The following ABHD18 variants were observed in gnomAD, a reference collection of about 807,000 sequenced individuals.
ABHD18 encodes abhydrolase domain containing 18.
In ABHD18, 55 loss-of-function variants were observed where a neutral mutation model predicts 65.9. That is an observed-to-expected ratio of 0.84 (90% confidence interval 0.67 to 1.05). The LOEUF (loss-of-function observed/expected upper bound fraction) is 1.05. Ranked by LOEUF, ABHD18 falls within the 50% of genes least tolerant of loss-of-function variation. The probability of loss-of-function intolerance (pLI) is 0.00; values close to 1 mark genes in which losing one functional copy is unlikely to be tolerated. For synonymous variants in ABHD18, 181 were observed against 180.2 expected (o/e 1.00, Z -0.04); for missense variants, 533 against 558.5 (o/e 0.95, Z 0.46).
At chr4:128,016,647 C>T (rs559803017) in intron 7 of ABHD18, among the ~76,000 whole-genome samples, 9 of 152,150 alleles carry the variant, frequency 5.9e-5, no homozygotes, top group African/African-American at 1.7e-4. Context: ...TGGTGGCTCA[C>T]GCCTGTAATT....
intron 6 of ABHD18, among the ~76,000 whole-genome samples, chr4:128,011,327 T>C (rs1754512587): frequency 6.6e-6 from 1 of 151,978 alleles, no homozygotes; most frequent in African/African-American, 2.4e-5. Flanking sequence ...TTTTTGTATT[T>C]TTAGTAGTGA....
rs181203471 is a variant in ABHD18, at chr4:127,984,672, C to T, written c.177+249C>T. Among the ~76,000 whole-genome samples the T allele has an allele frequency of 1.7e-4, 26 of 152,124 alleles. No homozygotes were observed. In the East Asian group the frequency reaches 5.0e-3, roughly 29 times the overall value. On this transcript the variant is annotated intron_variant, in intron 3 of 12. Transcript: ENST00000645843. Reference sequence around the variant, plus strand: ...TGGGAGTTCAGACCAGCCTGACCAACATGGAGAAACCCCGTCTCTGCTTAA... The same window carrying T: ...TGGGAGTTCAGACCAGCCTGACCAATATGGAGAAACCCCGTCTCTGCTTAA...
chr4:128,034,712 T>G (rs1284161665), intron 12 of ABHD18, among the ~76,000 whole-genome samples: 1 of 151,990 alleles, frequency 6.6e-6, no homozygotes, highest in Non-Finnish European at 1.5e-5. Flanking sequence ...AGTGCAATGG[T>G]GTGATCTCAG....
chr4:127,987,058 A>G (rs1310180598), intron 3 of ABHD18, among the ~76,000 whole-genome samples: 2 of 152,170 alleles, frequency 1.3e-5, no homozygotes, highest in Admixed American at 6.6e-5. Flanking sequence ...TCCTTTATTA[A>G]TAATTAATAA....
chr4:128,022,188 C>T (rs1303643351), intron 10 of ABHD18, among the ~76,000 whole-genome samples: 4 of 152,166 alleles, frequency 2.6e-5, no homozygotes, highest in Non-Finnish European at 5.9e-5. Context: ...TGTATCAAAC[C>T]TGCACGTTGT....
intron 9 of ABHD18, 35 bp downstream of exon 9, chr4:128,020,204 T>C (rs781650594): frequency 2.6e-6 from 4 of 1,521,260 alleles, no homozygotes; most frequent in South Asian, 2.3e-5. Context: ...GGTAGCTATA[T>C]ATAATTAGAG....
chr4:128,030,872 A>G, intron 12 of ABHD18, 200 bp downstream of exon 12: 1 of 1,332,842 alleles, frequency 7.5e-7, no homozygotes, highest in Non-Finnish European at 9.5e-7. Context: ...TAGAGAACTA[A>G]GCATGATGCA....
chr4:128,036,852 C>G lies in ABHD18; in HGVS notation c.*1039C>G, dbSNP rs1393886680. The G allele has an allele frequency of 1.3e-5, 2 of 152,276 alleles. No homozygotes were observed. Among genetic ancestry groups the G allele is most frequent in the Non-Finnish European group, 2.9e-5 (2 of 68,138 alleles). 9.4% of individuals were successfully genotyped at this position (152,276 alleles called of 1,614,324 possible). On this transcript the variant is annotated 3_prime_UTR_variant, in exon 13 of 13. Transcript: ENST00000645843. ...AATGCCAATAGGCCGGGTGCAGTGG[C>G]TCATGCCTGTAATCCCAGCACTTTG...
rs1414869640 is a variant in ABHD18 at position 127,984,424 on chromosome 4, G to A, written c.177+1G>A. The A allele has an allele frequency of 1.3e-6, 2 of 1,493,396 alleles. No individual in the cohort carries two copies. Among genetic ancestry groups the A allele is most frequent in the Non-Finnish European group, 1.8e-6 (2 of 1,102,584 alleles). The allele number at this position is 1,493,396 out of a possible 1,614,324, so 92.5% of individuals were successfully genotyped here. On this transcript the variant is annotated splice_donor_variant, in intron 3 of 12. Transcript: ENST00000645843. LOFTEE classifies it high-confidence loss of function. ...CGATTATCCAGTACACATTGATAAG[G>A]TATTCAAATGAGAGAAACACAGTTA...
Position 127,984,391 on chromosome 4 carries a change from G to A in ABHD18, c.145G>A (p.Val49Ile). Residue 49 changes from valine to isoleucine, a missense_variant, in exon 3 of 13, where the codon GTT becomes ATT. By Grantham distance (29) the Val-to-Ile change is conservative (BLOSUM62 3). Transcript: ENST00000645843. ...IGNRERCQNL[V>I]SSDYPVHIDK... ...AAATCGGGAAAGATGCCAGAATCTGGTTTCAAGCGATTATCCAGTACACAT... is the reference window on the plus strand; with the variant it reads ...AAATCGGGAAAGATGCCAGAATCTGATTTCAAGCGATTATCCAGTACACAT... 6.5e-7 allele frequency: 1 copy of A among 1,550,364 alleles called. No individual in the cohort carries two copies. Among genetic ancestry groups the A allele is most frequent in the Non-Finnish European group, 8.7e-7 (1 of 1,145,488 alleles).
intron 4 of ABHD18, among the ~76,000 whole-genome samples, chr4:128,005,997 C>T (rs187085836): frequency 7.4e-4 from 113 of 152,326 alleles, no homozygotes; most frequent in African/African-American, 2.5e-3. Context: ...TAGTCTGTCC[C>T]AATTCCATAT....
At chr4:127,998,021 C>G (rs1276995294) in intron 4 of ABHD18, among the ~76,000 whole-genome samples, 1 of 151,990 alleles carries the variant, frequency 6.6e-6, no homozygotes, top group African/African-American at 2.4e-5. Flanking sequence ...TCCTGAGTAG[C>G]TGGGACTACA....
intron 9 of ABHD18, among the ~76,000 whole-genome samples, chr4:128,020,764 T>C (rs1005828656): frequency 3.3e-5 from 5 of 152,222 alleles, no homozygotes; most frequent in Admixed American, 6.5e-5. Flanking sequence ...CCAGGTGCGG[T>C]GGCTCACGCC....
At position 128,039,058 on chromosome 4, in the gene ABHD18, T is replaced by C. The variant is rs968583105; in HGVS notation, c.*3245T>C. 1.3e-5 allele frequency: 2 copies of C among 148,164 alleles called. No individual in the cohort carries two copies. The highest frequency in any genetic ancestry group is 3.0e-5 in the Non-Finnish European group (2 of 67,370). The allele number at this position is 148,164 out of a possible 1,614,324, so 9.2% of individuals were successfully genotyped here. A position where few individuals can be genotyped will look rare whatever the true frequency, so the allele number is the denominator to read the frequency against. On this transcript the variant is annotated 3_prime_UTR_variant, in exon 13 of 13. Transcript: ENST00000645843. The stretch of plus-strand genomic sequence containing the variant: ...AAATATACACATATACGTATATGTA[T>C]ACGTTTTATATATATATACACACAC...
chr4:127,981,809 AAG>A (rs1749106199), intron 1 of ABHD18, among the ~76,000 whole-genome samples: 2 of 152,186 alleles, frequency 1.3e-5, no homozygotes, highest in Admixed American at 6.5e-5. Context: ...AACTGGGAAA[AAG>A]AGAGATGGGT....
At chr4:127,989,966 C>A in intron 4 of ABHD18, 145 bp downstream of exon 4, 1 of 541,542 alleles carries the variant, frequency 1.8e-6, no homozygotes, top group Admixed American at 3.5e-5. Flanking sequence ...TTTAATTCTT[C>A]AAAGAACATA....
intron 3 of ABHD18, among the ~76,000 whole-genome samples, chr4:127,987,788 GT>G (rs957308885): frequency 6.7e-6 from 1 of 149,466 alleles, no homozygotes; most frequent in East Asian, 1.9e-4. Flanking sequence ...AAATTGGAAC[GT>G]TTTTTTGGAT....
intron 4 of ABHD18, among the ~76,000 whole-genome samples, chr4:128,001,977 G>A (rs1031948212): frequency 2.6e-5 from 4 of 151,862 alleles, no homozygotes; most frequent in Middle Eastern, 3.4e-3. Context: ...TGAGAGTCCT[G>A]TTAGAAACAT....
rs1757736952 is a variant in ABHD18 at position 128,028,641 on chromosome 4, G to T, written c.968G>T (p.Ser323Ile). 6.2e-7 allele frequency: 1 copy of T among 1,613,744 alleles called. No individual in the cohort carries two copies. Among genetic ancestry groups the T allele is most frequent in the African/African-American group, 1.3e-5 (1 of 74,922 alleles). ...CATAATTCTAGCAAAACATCTGTCA[G>T]TGCGACATCAGAAGGACTCTTATTG... The part of the protein sequence containing the change: ...DCHNSSKTSV[S>I]ATSEGLLLQD... Residue 323 changes from serine (S) to isoleucine (I), a missense_variant, in exon 11 of 13, where the codon AGT becomes ATT. By Grantham distance (142) the Ser-to-Ile change is moderately radical. This residue lies in a region of ABHD18 where 220 missense variants were observed against 226.8 expected (regional missense o/e 0.97). Transcript: ENST00000645843.
Sources: allele counts gnomAD v4.1 joint callset (sites outside exome capture counted in the v4.1 genomes callset), GRCh38; gene constraint gnomAD v4.1.1; regional missense constraint gnomAD v4.1.1; transcripts MANE v1.5; gene names NCBI Gene and HGNC (gene_info 2026-07-23, HGNC 2026-07-21).